TMTC2: variants seen among roughly 807,000 people sequenced by gnomAD.
TMTC2 encodes the protein transmembrane O-mannosyltransferase targeting cadherins 2.
TMTC2 carries 43 observed loss-of-function variants against 82.4 expected under a neutral mutation model. The observed-to-expected ratio is 0.52, with a 90% CI of 0.41 to 0.67. TMTC2 has a LOEUF of 0.67. Ranked by LOEUF, TMTC2 falls within the 30% of genes least tolerant of loss-of-function variation. TMTC2 has a pLI of 0.00. For synonymous variants in TMTC2, 408 were observed against 381.9 expected, an observed-to-expected ratio of 1.07 and a Z score of -0.80; for missense variants, 919 against 1,012.4, an observed-to-expected ratio of 0.91 and a Z score of 1.25.
intron 8 of TMTC2, among the ~76,000 whole-genome samples, chr12:82,997,981 T>G (rs1879741169): frequency 6.6e-6 from 1 of 152,190 alleles, no homozygotes; most frequent in Non-Finnish European, 1.5e-5. Context: ...CCAAATGTAC[T>G]TTGGAGAATT....
At chr12:82,761,872 C>G (rs201445659) in intron 1 of TMTC2, among the ~76,000 whole-genome samples, 1 of 10,666 alleles carries the variant, frequency 9.4e-5, no homozygotes, top group East Asian at 9.4e-3. Context: ...TTCTCTTTCT[C>G]TCTTTCTTTC....
At chr12:82,831,395 T>G (rs11115451) in intron 1 of TMTC2, among the ~76,000 whole-genome samples, 29,456 of 152,106 alleles carry the variant, frequency 0.19, 5,685 homozygotes, top group African/African-American at 0.51. Flanking sequence ...TGTTATTGGT[T>G]GGAAAGTATT....
chr12:82,986,616 T>A (rs1185077996), intron 8 of TMTC2: 1 of 152,482 alleles, frequency 6.6e-6, no homozygotes, highest in Non-Finnish European at 1.5e-5. Flanking sequence ...TAGCCAACAT[T>A]GTATAAAATT....
chr12:83,101,024 A>G (rs766452675), intron 11 of TMTC2, among the ~76,000 whole-genome samples: 1 of 152,234 alleles, frequency 6.6e-6, no homozygotes, highest in African/African-American at 2.4e-5. Flanking sequence ...TATAAACAAT[A>G]TTGATCACAT....
intron 1 of TMTC2, among the ~76,000 whole-genome samples, chr12:82,788,013 C>G (rs544155726): frequency 8.1e-4 from 124 of 152,196 alleles, no homozygotes; most frequent in African/African-American, 2.9e-3. Context: ...TGTATGTCCT[C>G]TTTTAAGAAC....
intron 7 of TMTC2, among the ~76,000 whole-genome samples, chr12:82,976,652 T>C (rs1878686885): frequency 6.6e-6 from 1 of 152,072 alleles, no homozygotes; most frequent in African/African-American, 2.4e-5. Context: ...GTGTTATTTT[T>C]ATAAGAATAA....
chr12:82,806,463 G>T (rs1879246345), intron 1 of TMTC2, among the ~76,000 whole-genome samples: 1 of 152,088 alleles, frequency 6.6e-6, no homozygotes, highest in African/African-American at 2.4e-5. Context: ...TTATTCTCCA[G>T]TGGGGATAGA....
chr12:82,761,381 A>G (rs115543198), intron 1 of TMTC2, among the ~76,000 whole-genome samples: 181 of 152,326 alleles, frequency 1.2e-3, no homozygotes, highest in African/African-American at 3.9e-3. Flanking sequence ...CTGCAGAGCA[A>G]TGAGGGTGGG....
intron 1 of TMTC2, among the ~76,000 whole-genome samples, chr12:82,800,619 C>T (rs1336820079): frequency 2.0e-5 from 3 of 152,116 alleles, no homozygotes; most frequent in African/African-American, 7.2e-5. Context: ...TATTTAACAT[C>T]CTCCCACCAC....
intron 11 of TMTC2, among the ~76,000 whole-genome samples, chr12:83,067,607 A>G (rs1441375964): frequency 6.6e-6 from 1 of 152,068 alleles, no homozygotes; most frequent in Non-Finnish European, 1.5e-5. Context: ...TCATTTGGTT[A>G]TCTGCTAATC....
At chr12:82,946,094 CCT>C (rs1468211495) in intron 4 of TMTC2, among the ~76,000 whole-genome samples, 1 of 152,170 alleles carries the variant, frequency 6.6e-6, no homozygotes, top group Admixed American at 6.5e-5. Context: ...AACCCATCTG[CCT>C]CTCTCAGACT....
chr12:82,841,480 G>A (rs1037032758), intron 1 of TMTC2, among the ~76,000 whole-genome samples: 1 of 152,092 alleles, frequency 6.6e-6, no homozygotes, highest in African/African-American at 2.4e-5. Context: ...GCTCATCTGT[G>A]TTATTTTTAA....
intron 1 of TMTC2, among the ~76,000 whole-genome samples, chr12:82,825,597 A>G (rs1489646591): frequency 1.3e-5 from 2 of 152,136 alleles, no homozygotes; most frequent in African/African-American, 4.8e-5. Flanking sequence ...TATTATTTCC[A>G]CAATGTGGTA....
chr12:82,737,182 G>A (rs1161379980), intron 1 of TMTC2, among the ~76,000 whole-genome samples: 1 of 152,084 alleles, frequency 6.6e-6, no homozygotes, highest in African/African-American at 2.4e-5. Context: ...TTATAAAATC[G>A]TGGTATTGTT....
At chr12:82,998,473 T>C (rs1330580906) in intron 8 of TMTC2, among the ~76,000 whole-genome samples, 1 of 152,196 alleles carries the variant, frequency 6.6e-6, no homozygotes, top group Non-Finnish European at 1.5e-5. Flanking sequence ...ACAACTTTTT[T>C]TCATGCTTAC....
chr12:83,011,184 A>G (rs1162204971), intron 8 of TMTC2, among the ~76,000 whole-genome samples: 1 of 152,230 alleles, frequency 6.6e-6, no homozygotes, highest in Non-Finnish European at 1.5e-5. Flanking sequence ...TTATAAAAAT[A>G]TATTTGATCA....
chr12:82,722,611 G>A (rs1285421478), intron 1 of TMTC2, among the ~76,000 whole-genome samples: 1 of 150,558 alleles, frequency 6.6e-6, no homozygotes, highest in Non-Finnish European at 1.5e-5. Context: ...GCATGGTGGT[G>A]CACGCCTGTG....
intron 1 of TMTC2, among the ~76,000 whole-genome samples, chr12:82,816,557 T>A (rs1868742713): frequency 6.6e-6 from 1 of 152,030 alleles, no homozygotes; most frequent in Non-Finnish European, 1.5e-5. Flanking sequence ...TGTAATAAGA[T>A]AGAATATGTG....
intron 2 of TMTC2, among the ~76,000 whole-genome samples, chr12:82,870,685 A>G (rs989744527): frequency 6.6e-6 from 1 of 152,224 alleles, no homozygotes; most frequent in Non-Finnish European, 1.5e-5. Flanking sequence ...CCACCGCTAG[A>G]GTCTTAAAGT....
Sources: gnomAD v4.1 joint callset for allele counts (sites outside exome capture counted in the v4.1 genomes callset) on GRCh38, gnomAD v4.1.1 for gene constraint, MANE v1.5 for transcripts, NCBI Gene and HGNC (gene_info 2026-07-23, HGNC 2026-07-21) for gene names.